Variants in MGAT4C observed in about 807,000 individuals in gnomAD.
MGAT4C encodes MGAT4 family member C, also known as alpha-1,3-mannosyl-glycoprotein 4-beta-N-acetylglucosaminyltransferase C.
MGAT4C carries 19 observed loss-of-function variants against 40.1 expected under a neutral mutation model. That is an observed-to-expected ratio of 0.47 (90% CI 0.33 to 0.70). MGAT4C has a LOEUF of 0.70. Ranked by LOEUF, MGAT4C falls within the 30% of genes least tolerant of loss-of-function variation. MGAT4C has a pLI of 0.02. For synonymous variants in MGAT4C, 181 were observed against 187.1 expected (o/e 0.97, Z 0.27); for missense variants, 491 against 563.2 (o/e 0.87, Z 1.30).
At chr12:86,577,750 A>AT (rs1263093573) in intron 2 of MGAT4C, among the ~76,000 whole-genome samples, 1 of 151,882 alleles carries the variant, frequency 6.6e-6, no homozygotes, top group African/African-American at 2.4e-5. Context: ...TTAATCAGAT[A>AT]TATTGACCTG....
At chr12:86,108,803 T>C (rs1876685895) in intron 1 of MGAT4C, among the ~76,000 whole-genome samples, 1 of 152,160 alleles carries the variant, frequency 6.6e-6, no homozygotes, top group Non-Finnish European at 1.5e-5. Flanking sequence ...TCTTATAACC[T>C]GTTGAATATG....
At chr12:86,514,970 C>T (rs1382915239) in intron 2 of MGAT4C, among the ~76,000 whole-genome samples, 2 of 152,098 alleles carry the variant, frequency 1.3e-5, no homozygotes, top group Non-Finnish European at 2.9e-5. Flanking sequence ...GAAATTAAAA[C>T]ATGCATTAAA....
At chr12:86,461,418 T>G (rs1321739972) in intron 2 of MGAT4C, among the ~76,000 whole-genome samples, 1 of 152,000 alleles carries the variant, frequency 6.6e-6, no homozygotes, top group Non-Finnish European at 1.5e-5. Context: ...GTTAATTTTT[T>G]GTATTTTTAG....
intron 1 of MGAT4C, among the ~76,000 whole-genome samples, chr12:86,156,540 C>G (rs1410797004): frequency 2.6e-5 from 4 of 152,168 alleles, no homozygotes; most frequent in Non-Finnish European, 5.9e-5. Context: ...AGGCTGGTCT[C>G]AAACTCCCGA....
intron 2 of MGAT4C, among the ~76,000 whole-genome samples, chr12:86,040,940 C>T (rs1891765633): frequency 1.3e-5 from 2 of 152,088 alleles, no homozygotes; most frequent in Non-Finnish European, 2.9e-5. Context: ...GAGGGAGTTC[C>T]CCGAGCCCTT....
At chr12:86,766,432 C>T (rs1323241757) in intron 1 of MGAT4C, among the ~76,000 whole-genome samples, 7 of 152,052 alleles carry the variant, frequency 4.6e-5, no homozygotes, top group Non-Finnish European at 1.0e-4. Flanking sequence ...GACTTTAACA[C>T]CCCACTGTCA....
At chr12:86,451,776 A>G (rs933061541) in intron 2 of MGAT4C, among the ~76,000 whole-genome samples, 15 of 152,074 alleles carry the variant, frequency 9.9e-5, no homozygotes, top group Middle Eastern at 3.2e-3. Context: ...TTTCAAAGCC[A>G]GTCTTCTTCT....
Position 86,093,807 on chromosome 12 carries a change from C to T in MGAT4C, c.-56-44084G>A, listed in dbSNP as rs1390216292. 2.0e-5 allele frequency among the ~76,000 whole-genome samples: 3 copies of T among 152,034 alleles called. No individual in the cohort carries two copies. The East Asian group carries it at 5.8e-4, about 29-fold the overall frequency. ...GGCCCTTTTAAATTACTCTTATTTA[C>T]CTGGGAAACGTTTCATGTTTTCTCA... On this transcript the variant is annotated intron_variant, in intron 1 of 4. Coordinates refer to ENST00000611864, the MANE Select transcript of MGAT4C (RefSeq NM_001351288.2).
rs577807339 is a variant in MGAT4C, at chr12:86,634,544, G to A, written c.-229+92665C>T. On this transcript the variant is annotated intron_variant, in intron 2 of 7. Transcript: ENST00000548651. ...TTGTTTTGGCTGCATTCCTTTTGGA[G>A]CTCAGAGCTCTCTTTGAAGCTCCAT... Among the ~76,000 whole-genome samples, 5 of 152,182 alleles carry A rather than the reference G, an allele frequency of 3.3e-5. No individual in the cohort carries two copies. The South Asian group carries it at 1.0e-3, about 32-fold the overall frequency.
chr12:86,359,358 G>A (rs1250256454), intron 3 of MGAT4C, among the ~76,000 whole-genome samples: 1 of 152,114 alleles, frequency 6.6e-6, no homozygotes, highest in Non-Finnish European at 1.5e-5. Flanking sequence ...AGCACTAAAT[G>A]CCCACAAGAG....
intron 2 of MGAT4C, among the ~76,000 whole-genome samples, chr12:86,551,716 C>T (rs956244795): frequency 2.6e-5 from 4 of 152,270 alleles, no homozygotes; most frequent in Non-Finnish European, 4.4e-5. Flanking sequence ...TGTGGACACA[C>T]GTACCCCCAA....
intron 1 of MGAT4C, among the ~76,000 whole-genome samples, chr12:86,176,775 T>C (rs1199148393): frequency 6.7e-6 from 1 of 149,992 alleles, no homozygotes; most frequent in Non-Finnish European, 1.5e-5. Flanking sequence ...TAGTGTGTTC[T>C]ATATAATCCT....
At chr12:86,296,828 G>C (rs992966136) in intron 4 of MGAT4C, among the ~76,000 whole-genome samples, 8 of 152,218 alleles carry the variant, frequency 5.3e-5, no homozygotes, top group African/African-American at 2.4e-5. Flanking sequence ...GGCCAGCCCA[G>C]AAAGGGGCTC....
intron 1 of MGAT4C, among the ~76,000 whole-genome samples, chr12:86,104,157 T>C (rs1875671392): frequency 6.6e-6 from 1 of 151,596 alleles, no homozygotes; most frequent in Non-Finnish European, 1.5e-5. Context: ...ACATTGTCTC[T>C]AAAGCCTGTA....
At position 86,460,700 on chromosome 12, in the gene MGAT4C, C is replaced by T. The variant is rs1262742152; in HGVS notation, c.-228-25435G>A. Among the ~76,000 whole-genome samples, 4 of 151,280 alleles carry T rather than the reference C, an allele frequency of 2.6e-5. No homozygotes were observed. The East Asian group carries it at 7.8e-4, about 29-fold the overall frequency. On this transcript the variant is annotated intron_variant, in intron 2 of 7. Coordinates refer to the MGAT4C transcript ENST00000548651. The stretch of plus-strand genomic sequence containing the variant: ...TTAAAGATGATATATATATATATAG[C>T]TGACTCAAGAGTAAGAATATACTGT...
At chr12:86,369,456 A>G (rs1342660446) in intron 3 of MGAT4C, among the ~76,000 whole-genome samples, 2 of 151,218 alleles carry the variant, frequency 1.3e-5, no homozygotes, top group East Asian at 1.9e-4. Flanking sequence ...TTCTGTAGTG[A>G]TATTCTTTCA....
chr12:86,577,446 C>T (rs548660039), intron 2 of MGAT4C, among the ~76,000 whole-genome samples: 111 of 151,786 alleles, frequency 7.3e-4, no homozygotes, highest in Non-Finnish European at 1.0e-3. Flanking sequence ...TTGGGTCTGT[C>T]GTATATGGCT....
intron 2 of MGAT4C, among the ~76,000 whole-genome samples, chr12:86,585,642 T>G (rs1486145245): frequency 6.6e-6 from 1 of 151,430 alleles, no homozygotes; most frequent in Non-Finnish European, 1.5e-5. Context: ...GTCTACAGGA[T>G]ATTGTATTAT....
At chr12:86,189,761 T>G (rs938123501) in intron 1 of MGAT4C, among the ~76,000 whole-genome samples, 12 of 151,924 alleles carry the variant, frequency 7.9e-5, no homozygotes, top group Admixed American at 7.9e-4. Flanking sequence ...CCAAAGAGAG[T>G]ACTGAAGTTG....
Sources: allele counts gnomAD v4.1 joint callset (sites outside exome capture counted in the v4.1 genomes callset), GRCh38; gene constraint gnomAD v4.1.1; transcripts MANE v1.5; gene names NCBI Gene and HGNC (gene_info 2026-07-23, HGNC 2026-07-21).